Variants in B3GALT1 observed in about 807,000 individuals in gnomAD.
The protein encoded by B3GALT1 is beta-1,3-galactosyltransferase 1.
In B3GALT1, 10 loss-of-function variants were observed where a neutral mutation model predicts 23.2. The observed-to-expected ratio is 0.43, with a 90% CI of 0.27 to 0.73. B3GALT1 has a LOEUF of 0.73. Among genes scored for constraint, B3GALT1 ranks in the 30% least tolerant of loss-of-function variants. The pLI is 0.21. For synonymous variants in B3GALT1, 156 were observed against 141.5 expected, an observed-to-expected ratio of 1.10 and a Z score of -0.73; for missense variants, 299 against 405.4, an observed-to-expected ratio of 0.74 and a Z score of 2.25.
At chr2:167,458,315 C>T (rs1010986095) in intron 1 of B3GALT1, among the ~76,000 whole-genome samples, 14 of 152,258 alleles carry the variant, frequency 9.2e-5, no homozygotes, top group Non-Finnish European at 1.6e-4. Context: ...AAATAAGATT[C>T]CAGTGTATGT....
At chr2:167,737,602 G>A (rs775591737) in intron 3 of B3GALT1, among the ~76,000 whole-genome samples, 2 of 152,232 alleles carry the variant, frequency 1.3e-5, no homozygotes, top group Non-Finnish European at 2.9e-5. Flanking sequence ...TTTGCTTGAA[G>A]AAGAGAAAAA....
chr2:167,587,351 G>A lies in B3GALT1; in HGVS notation c.-409-59558G>A, dbSNP rs1574154148. On this transcript the variant is annotated intron_variant, in intron 2 of 4. Transcript: ENST00000392690. Reference sequence around the variant, plus strand: ...TATTTGTCAGCACCTTTGTAAACACGGCTTCTTCTTAGCTGCTACAAATTA... The same window carrying A: ...TATTTGTCAGCACCTTTGTAAACACAGCTTCTTCTTAGCTGCTACAAATTA... Among the ~76,000 whole-genome samples, 6 of 151,988 alleles carry A rather than the reference G, an allele frequency of 3.9e-5. No homozygotes were observed. In the South Asian group the frequency reaches 1.0e-3, roughly 26 times the overall value.
intron 1 of B3GALT1, among the ~76,000 whole-genome samples, chr2:167,434,025 CA>C (rs1272768690): frequency 6.6e-6 from 1 of 151,992 alleles, no homozygotes; most frequent in Non-Finnish European, 1.5e-5. Context: ...GGTAACAGAG[CA>C]AGATTCTATC....
At chr2:167,597,345 G>A (rs1684797346) in intron 2 of B3GALT1, among the ~76,000 whole-genome samples, 1 of 152,038 alleles carries the variant, frequency 6.6e-6, no homozygotes, top group Non-Finnish European at 1.5e-5. Context: ...TCGATCTCCT[G>A]ACCTCATGAT....
intron 2 of B3GALT1, among the ~76,000 whole-genome samples, chr2:167,563,945 G>GGT (rs1553467946): frequency 0.014 from 40 of 2,810 alleles, no homozygotes; most frequent in South Asian, 0.065. Flanking sequence ...CGGCTGGCCA[G>GGT]GCGGGGCCGA....
At chr2:167,392,078 A>G (rs575767568) in intron 1 of B3GALT1, among the ~76,000 whole-genome samples, 42 of 151,954 alleles carry the variant, frequency 2.8e-4, no homozygotes, top group South Asian at 2.1e-4. Flanking sequence ...TATCATTTGC[A>G]TTGTCCAAGC....
intron 1 of B3GALT1, among the ~76,000 whole-genome samples, chr2:167,364,586 G>T (rs111369422): frequency 0.016 from 2,498 of 152,208 alleles, 74 homozygotes; most frequent in African/African-American, 0.057. Context: ...AGAACATGCG[G>T]TGTTTGGTTT....
At chr2:167,610,079 A>G (rs1463285127) in intron 2 of B3GALT1, among the ~76,000 whole-genome samples, 1 of 152,158 alleles carries the variant, frequency 6.6e-6, no homozygotes, top group Admixed American at 6.6e-5. Context: ...AAATGAGGAT[A>G]TAGTTAAAGA....
At chr2:167,754,502 A>G (rs1462189229) in intron 3 of B3GALT1, among the ~76,000 whole-genome samples, 1 of 152,210 alleles carries the variant, frequency 6.6e-6, no homozygotes, top group African/African-American at 2.4e-5. Context: ...TACAACCTGC[A>G]ATAGAGTGCA....
chr2:167,680,363 G>A (rs150444369), intron 3 of B3GALT1, among the ~76,000 whole-genome samples: 1 of 152,224 alleles, frequency 6.6e-6, no homozygotes, highest in East Asian at 1.9e-4. Flanking sequence ...AAAATGTTTT[G>A]TGTTGAAATC....
intron 1 of B3GALT1, among the ~76,000 whole-genome samples, chr2:167,344,336 G>A (rs996398449): frequency 6.6e-6 from 1 of 152,022 alleles, no homozygotes; most frequent in Non-Finnish European, 1.5e-5. Flanking sequence ...CAAAATTGAG[G>A]ACATATTTTT....
At chr2:167,335,431 G>A (rs144306693) in intron 1 of B3GALT1, among the ~76,000 whole-genome samples, 7 of 152,264 alleles carry the variant, frequency 4.6e-5, no homozygotes, top group African/African-American at 1.7e-4. Flanking sequence ...TATTAAGGAA[G>A]TAAAAGAATA....
In B3GALT1 at chr2:167,449,185, G is replaced by A. The variant is rs555262120; in HGVS notation, c.-510-40992G>A. ...GCATTGAATCTGTAGATTGCTTTTG[G>A]CAATATGGTCATTTTCACAGTAGTG... On this transcript the variant is annotated intron_variant, in intron 1 of 4. Transcript: ENST00000392690. Among the ~76,000 whole-genome samples the A allele has an allele frequency of 2.6e-5, 4 of 152,178 alleles. No homozygotes were observed. In the East Asian group the frequency reaches 7.7e-4, roughly 29 times the overall value.
chr2:167,597,649 C>T (rs920742359), intron 2 of B3GALT1, among the ~76,000 whole-genome samples: 5 of 152,146 alleles, frequency 3.3e-5, no homozygotes, highest in African/African-American at 4.8e-5. Context: ...CTCCGTGTTG[C>T]CTGACACATG....
At chr2:167,683,894 A>G (rs1686575717) in intron 3 of B3GALT1, among the ~76,000 whole-genome samples, 1 of 152,206 alleles carries the variant, frequency 6.6e-6, no homozygotes, top group African/African-American at 2.4e-5. Flanking sequence ...TTGGATGGCA[A>G]GATACACTAA....
intron 3 of B3GALT1, among the ~76,000 whole-genome samples, chr2:167,730,121 A>G (rs1367987396): frequency 6.6e-6 from 1 of 152,188 alleles, no homozygotes; most frequent in Non-Finnish European, 1.5e-5. Context: ...ATACTGCACA[A>G]CATTGTAAAT....
intron 1 of B3GALT1, among the ~76,000 whole-genome samples, chr2:167,412,123 C>T (rs16853583): frequency 0.085 from 2,455 of 28,890 alleles, 58 homozygotes; most frequent in African/African-American, 0.13. Flanking sequence ...TTAAATGGCA[C>T]GGTAGAACAA....
intron 3 of B3GALT1, among the ~76,000 whole-genome samples, chr2:167,771,281 A>G (rs775979477): frequency 6.6e-5 from 10 of 152,202 alleles, no homozygotes; most frequent in Non-Finnish European, 1.3e-4. Context: ...CAAATCCTAG[A>G]TATGTGTGTG....
chr2:167,510,411 T>G (rs560075940), intron 2 of B3GALT1, among the ~76,000 whole-genome samples: 153 of 148,800 alleles, frequency 1.0e-3, no homozygotes, highest in Middle Eastern at 6.8e-3. Context: ...AGTTTTGTTT[T>G]TTTTTTTTTT....
Sources: gnomAD v4.1 joint callset for allele counts (sites outside exome capture counted in the v4.1 genomes callset) on GRCh38, gnomAD v4.1.1 for gene constraint, MANE v1.5 for transcripts, NCBI Gene and HGNC (gene_info 2026-07-23, HGNC 2026-07-21) for gene names.